Variants in RALGPS2 observed in about 807,000 individuals in gnomAD.
The protein encoded by RALGPS2 is Ral GEF with PH domain and SH3 binding motif 2.
Under a neutral mutation model 86.8 loss-of-function variants are expected in RALGPS2, and 43 were observed. That is an observed-to-expected ratio of 0.50 (90% CI 0.39 to 0.64). The LOEUF (loss-of-function observed/expected upper bound fraction) is 0.64. RALGPS2 is among the 30% of genes least tolerant of loss of function. The probability of loss-of-function intolerance (pLI) is 0.00; values close to 1 mark genes in which losing one functional copy is unlikely to be tolerated. For missense variants in RALGPS2, 536 were observed against 694.6 expected, an observed-to-expected ratio of 0.77 and a Z score of 2.57; for synonymous variants, 243 against 231.3, an observed-to-expected ratio of 1.05 and a Z score of -0.46.
chr1:178,826,823 C>G (rs1655767351), intron 7 of RALGPS2, among the ~76,000 whole-genome samples: 1 of 151,958 alleles, frequency 6.6e-6, no homozygotes, highest in South Asian at 2.1e-4. Context: ...AACAAAATAT[C>G]AAACAATAAG....
intron 5 of RALGPS2, 50 bp downstream of exon 5, chr1:178,808,178 A>G (rs1366103625): frequency 1.6e-6 from 2 of 1,216,564 alleles, no homozygotes; most frequent in South Asian, 1.3e-5. Context: ...TCCTCAATAT[A>G]TACTTTTTCC....
At chr1:178,740,278 T>G (rs927484039) in intron 1 of RALGPS2, among the ~76,000 whole-genome samples, 4 of 152,210 alleles carry the variant, frequency 2.6e-5, no homozygotes, top group African/African-American at 9.6e-5. Context: ...CACAGTTCCT[T>G]TGGAGGAAAT....
At chr1:178,888,288 A>G (rs879269421) in intron 13 of RALGPS2, among the ~76,000 whole-genome samples, 4 of 152,200 alleles carry the variant, frequency 2.6e-5, no homozygotes, top group Admixed American at 2.0e-4. Flanking sequence ...GAAAAAAAGA[A>G]TAAGTCTATT....
At chr1:178,773,746 A>G (rs964032454) in intron 1 of RALGPS2, among the ~76,000 whole-genome samples, 6 of 151,682 alleles carry the variant, frequency 4.0e-5, no homozygotes, top group African/African-American at 1.5e-4. Context: ...CAGTGAGCCA[A>G]GATCCCGCCA....
intron 1 of RALGPS2, among the ~76,000 whole-genome samples, chr1:178,773,081 C>T (rs1244032788): frequency 2.6e-5 from 4 of 152,192 alleles, no homozygotes; most frequent in Admixed American, 2.6e-4. Context: ...GGATTACAGG[C>T]GTGAGCCCCT....
chr1:178,761,446 C>A (rs1018441066), intron 1 of RALGPS2, among the ~76,000 whole-genome samples: 5 of 151,288 alleles, frequency 3.3e-5, no homozygotes, highest in Admixed American at 1.3e-4. Flanking sequence ...AAAAAAAATT[C>A]TTTTTGCTTT....
At chr1:178,761,219 G>A (rs918263098) in intron 1 of RALGPS2, among the ~76,000 whole-genome samples, 4 of 152,036 alleles carry the variant, frequency 2.6e-5, no homozygotes, top group Non-Finnish European at 5.9e-5. Context: ...CAAGTGATCT[G>A]CCCACCTTGG....
intron 1 of RALGPS2, among the ~76,000 whole-genome samples, chr1:178,726,663 C>T (rs941901716): frequency 6.6e-6 from 1 of 151,640 alleles, no homozygotes; most frequent in Non-Finnish European, 1.5e-5. Context: ...ATTTTTTTTC[C>T]CCAACACTTT....
chr1:178,829,299 G>C (rs112201660), intron 7 of RALGPS2, among the ~76,000 whole-genome samples: 1 of 152,174 alleles, frequency 6.6e-6, no homozygotes, highest in Non-Finnish European at 1.5e-5. Context: ...GTAGAACAGG[G>C]GTCCCCAAAC....
At chr1:178,832,792 T>TC (rs1656089913) in intron 7 of RALGPS2, among the ~76,000 whole-genome samples, 1 of 151,844 alleles carries the variant, frequency 6.6e-6, no homozygotes, top group Admixed American at 6.6e-5. Context: ...TTTTTTTTTT[T>TC]CAACTCCCCT....
At chr1:178,751,300 T>C (rs1027963878) in intron 1 of RALGPS2, among the ~76,000 whole-genome samples, 1 of 152,188 alleles carries the variant, frequency 6.6e-6, no homozygotes, top group African/African-American at 2.4e-5. Flanking sequence ...TTCTACTTGT[T>C]AAGACTCATC....
At chr1:178,816,265 C>G (rs1193503783) in intron 6 of RALGPS2, among the ~76,000 whole-genome samples, 3 of 151,352 alleles carry the variant, frequency 2.0e-5, no homozygotes, top group Non-Finnish European at 2.9e-5. Flanking sequence ...TTTTTTTAAT[C>G]TGGCCTTTCT....
intron 8 of RALGPS2, among the ~76,000 whole-genome samples, chr1:178,856,198 GAGAGATATATATATATAT>G (rs1242582316): frequency 0.089 from 4,196 of 47,266 alleles, 364 homozygotes; most frequent in African/African-American, 0.24. Flanking sequence ...TCCAGAGAGA[GAGAGATATATATATATAT>G]ATATATATAT....
chr1:178,744,235 TA>T (rs1244646181), intron 1 of RALGPS2, among the ~76,000 whole-genome samples: 3 of 152,006 alleles, frequency 2.0e-5, no homozygotes, highest in South Asian at 4.2e-4. Context: ...CTACATTAAG[TA>T]AAAAAAACTA....
chr1:178,808,689 A>T (rs903825298), intron 5 of RALGPS2, among the ~76,000 whole-genome samples: 4 of 152,046 alleles, frequency 2.6e-5, no homozygotes, highest in Non-Finnish European at 4.4e-5. Flanking sequence ...GAGGGAATAC[A>T]TTATTCTAAG....
At chr1:178,748,973 A>G (rs1651498565) in intron 1 of RALGPS2, among the ~76,000 whole-genome samples, 1 of 151,900 alleles carries the variant, frequency 6.6e-6, no homozygotes, top group African/African-American at 2.4e-5. Flanking sequence ...TGTGTAACCT[A>G]TATATAAAGG....
At chr1:178,819,521 C>T (rs533660846) in intron 6 of RALGPS2, among the ~76,000 whole-genome samples, 32 of 152,294 alleles carry the variant, frequency 2.1e-4, no homozygotes, top group African/African-American at 7.2e-4. Flanking sequence ...AGATTAGGCC[C>T]TGGGCAATGT....
chr1:178,743,549 A>G (rs1389361518), intron 1 of RALGPS2, among the ~76,000 whole-genome samples: 2 of 152,214 alleles, frequency 1.3e-5, no homozygotes, highest in African/African-American at 4.8e-5. Context: ...ATGAAAATTG[A>G]TTTTATTGAT....
chr1:178,865,819 C>T, intron 8 of RALGPS2: 1 of 1,452,712 alleles, frequency 6.9e-7, no homozygotes, highest in East Asian at 2.3e-5. Flanking sequence ...AAAAACAAAT[C>T]AGTGAAGGAG....
Sources: allele counts gnomAD v4.1 joint callset (sites outside exome capture counted in the v4.1 genomes callset), GRCh38; gene constraint gnomAD v4.1.1; transcripts MANE v1.5; gene names NCBI Gene and HGNC (gene_info 2026-07-23, HGNC 2026-07-21).